The following LRRC1 variants were observed in gnomAD, a reference collection of about 807,000 sequenced individuals.
LRRC1 encodes leucine-rich repeat-containing protein 1.
LRRC1 carries 28 observed loss-of-function variants against 69.9 expected under a neutral mutation model. That is an observed-to-expected ratio of 0.40 (90% CI 0.30 to 0.55). LRRC1 has a LOEUF of 0.55. Ranked by LOEUF, LRRC1 falls within the 20% of genes least tolerant of loss-of-function variation. The probability of loss-of-function intolerance (pLI) is 0.47; values close to 1 mark genes in which losing one functional copy is unlikely to be tolerated. For missense variants in LRRC1, 498 were observed against 609.0 expected, an observed-to-expected ratio of 0.82 and a Z score of 1.92; for synonymous variants, 236 against 240.2, an observed-to-expected ratio of 0.98 and a Z score of 0.16.
At chr6:53,828,191 A>G (rs1290516453) in intron 1 of LRRC1, among the ~76,000 whole-genome samples, 1 of 151,584 alleles carries the variant, frequency 6.6e-6, no homozygotes, top group Non-Finnish European at 1.5e-5. Flanking sequence ...AAAAAGAAAC[A>G]TGGGTAATTT....
At chr6:53,809,552 A>T (rs1483383427) in intron 1 of LRRC1, among the ~76,000 whole-genome samples, 1 of 152,202 alleles carries the variant, frequency 6.6e-6, no homozygotes. Flanking sequence ...TTAAAAGGAA[A>T]TTTTGTATAA....
intron 1 of LRRC1, among the ~76,000 whole-genome samples, chr6:53,808,532 C>T (rs1257187411): frequency 6.6e-6 from 1 of 152,088 alleles, no homozygotes; most frequent in African/African-American, 2.4e-5. Context: ...CTCTTTTAAT[C>T]CTTACAACCA....
intron 8 of LRRC1, 63 bp from the exon 9 acceptor site, chr6:53,902,566 C>T: frequency 1.0e-6 from 1 of 993,622 alleles, no homozygotes; most frequent in Non-Finnish European, 1.5e-6. Context: ...AAATTCCAAG[C>T]AGTGATTATG....
chr6:53,902,204 G>A (rs866466701), intron 8 of LRRC1, among the ~76,000 whole-genome samples: 15 of 152,126 alleles, frequency 9.9e-5, no homozygotes, highest in African/African-American at 2.4e-4. Context: ...TAGAAATACC[G>A]CACTGTAGGG....
intron 1 of LRRC1, among the ~76,000 whole-genome samples, chr6:53,809,444 A>G (rs1215384716): frequency 6.6e-6 from 1 of 152,210 alleles, no homozygotes; most frequent in Non-Finnish European, 1.5e-5. Flanking sequence ...ACCGCTGGTA[A>G]CTATAGTGAT....
At chr6:53,801,707 A>T (rs1764491228) in intron 1 of LRRC1, among the ~76,000 whole-genome samples, 1 of 152,086 alleles carries the variant, frequency 6.6e-6, no homozygotes, top group Non-Finnish European at 1.5e-5. Context: ...GGGTTAGTGG[A>T]GATTAGAGTC....
intron 13 of LRRC1, 113 bp downstream of exon 13, chr6:53,920,874 A>C (rs1438373040): frequency 1.6e-6 from 2 of 1,225,486 alleles, no homozygotes; most frequent in African/African-American, 3.1e-5. Flanking sequence ...CTTTGCCTTC[A>C]GCATTTAGGA....
chr6:53,803,031 A>G (rs1252759750), intron 1 of LRRC1, among the ~76,000 whole-genome samples: 2 of 152,174 alleles, frequency 1.3e-5, no homozygotes, highest in East Asian at 3.8e-4. Flanking sequence ...CTCCCAGCGG[A>G]AAAGGAGCAC....
At chr6:53,890,628 T>C (rs775627979) in intron 4 of LRRC1, among the ~76,000 whole-genome samples, 5 of 152,190 alleles carry the variant, frequency 3.3e-5, no homozygotes, top group African/African-American at 4.8e-5. Context: ...GGAATTACTA[T>C]AAAATATTTA....
intron 1 of LRRC1, among the ~76,000 whole-genome samples, chr6:53,822,331 C>T (rs1765140463): frequency 6.6e-6 from 1 of 152,052 alleles, no homozygotes; most frequent in African/African-American, 2.4e-5. Flanking sequence ...CCATATGAAG[C>T]CAGAGAAAGT....
intron 4 of LRRC1, among the ~76,000 whole-genome samples, chr6:53,893,864 A>G (rs1346151056): frequency 1.3e-5 from 2 of 152,128 alleles, no homozygotes; most frequent in African/African-American, 4.8e-5. Context: ...TGTTAGCATG[A>G]TGGGGGTGGG....
At chr6:53,896,645 T>G (rs1767884162) in intron 5 of LRRC1, 91 bp downstream of exon 5, 1 of 1,297,502 alleles carries the variant, frequency 7.7e-7, no homozygotes. Context: ...TGAAAACATT[T>G]GTGTGTTTTG....
chr6:53,795,804 C>T (rs553171057), intron 1 of LRRC1, among the ~76,000 whole-genome samples: 4 of 152,342 alleles, frequency 2.6e-5, no homozygotes, highest in South Asian at 4.1e-4. Flanking sequence ...CCCTCCACTC[C>T]CCGGGGTCGT....
At chr6:53,896,668 G>T in intron 5 of LRRC1, 114 bp downstream of exon 5, 1 of 1,090,696 alleles carries the variant, frequency 9.2e-7, no homozygotes, top group Non-Finnish European at 1.4e-6. Context: ...AAGTTTGGGG[G>T]ATGCCAGCCG....
At chr6:53,839,288 A>G (rs1765696941) in intron 1 of LRRC1, among the ~76,000 whole-genome samples, 4 of 152,094 alleles carry the variant, frequency 2.6e-5, no homozygotes, top group Non-Finnish European at 5.9e-5. Context: ...CCAAGAGGCA[A>G]TTGTATGATT....
chr6:53,801,021 G>A (rs1174083826), intron 1 of LRRC1, among the ~76,000 whole-genome samples: 2 of 152,194 alleles, frequency 1.3e-5, no homozygotes, highest in Non-Finnish European at 2.9e-5. Flanking sequence ...AGACTTTATT[G>A]ACTGTGTTTG....
intron 1 of LRRC1, among the ~76,000 whole-genome samples, chr6:53,812,078 A>C (rs568668523): frequency 6.6e-6 from 1 of 152,354 alleles, no homozygotes; most frequent in South Asian, 2.1e-4. Flanking sequence ...TGTTGTTGGA[A>C]GCATGGGGTT....
At chr6:53,884,377 C>T (rs1362034455) in intron 4 of LRRC1, among the ~76,000 whole-genome samples, 1 of 152,058 alleles carries the variant, frequency 6.6e-6, no homozygotes, top group African/African-American at 2.4e-5. Context: ...CCTGGTGGCC[C>T]AAACCTGTAG....
chr6:53,913,956 G>A lies in LRRC1; in HGVS notation c.1093G>A (p.Val365Met). The change falls in exon 11 of 14, where the codon GTG becomes ATG. Residue 365 changes from valine to methionine, a missense_variant. Around this residue, in one of 3 missense-constraint regions of LRRC1, gnomAD observed 266 missense variants for 383.9 expected, o/e 0.69. Transcript: ENST00000370888. ...GGCAACAGAACTTCATGTCCTGGAT[G>A]TGGCAGGGAACAGGTAAGCCTGTTG... is the stretch of plus-strand genomic sequence containing the variant. ...SQATELHVLD[V>M]AGNRLLHLPL... 6.2e-7 allele frequency: 1 copy of A among 1,611,526 alleles called. No homozygotes were observed. The highest frequency in any genetic ancestry group is 8.5e-7 in the Non-Finnish European group (1 of 1,177,824).
Sources: gnomAD v4.1 joint callset for allele counts (sites outside exome capture counted in the v4.1 genomes callset) on GRCh38, gnomAD v4.1.1 for gene constraint, gnomAD v4.1.1 regional missense constraint, MANE v1.5 for transcripts, NCBI Gene and HGNC (gene_info 2026-07-23, HGNC 2026-07-21) for gene names.